DHRSX: variants seen among roughly 807,000 people sequenced by gnomAD.
DHRSX encodes the protein polyprenol dehydrogenase.
DHRSX carries 31 observed loss-of-function variants against 34.0 expected under a neutral mutation model. The observed-to-expected ratio is 0.91, with a 90% CI of 0.69 to 1.23. The LOEUF (loss-of-function observed/expected upper bound fraction) is 1.23, where lower values mean the gene tolerates loss of function less well. Among genes scored for constraint, DHRSX ranks in the 50% most tolerant of loss-of-function variants. The pLI is 0.00. For synonymous variants in DHRSX, 201 were observed against 183.8 expected, an observed-to-expected ratio of 1.09 and a Z score of -0.76; for missense variants, 414 against 428.1, an observed-to-expected ratio of 0.97 and a Z score of 0.29.
intron 1 of DHRSX, among the ~76,000 whole-genome samples, chrX:2,478,391 ACACAT>A (rs1331726123): frequency 3.9e-5 from 6 of 152,146 alleles, no homozygotes; most frequent in African/African-American, 1.4e-4. Flanking sequence ...TGTGGCAGGG[ACACAT>A]TCTGGCCAAT....
rs992142230 is a variant in DHRSX at position 2,220,892 on chromosome X, G to C, written c.*149C>G. The C allele has an allele frequency of 4.7e-6, 3 of 640,836 alleles. No individual in the cohort carries two copies. The highest frequency in any genetic ancestry group is 7.8e-6 in the Non-Finnish European group (3 of 382,662). 39.7% of individuals were successfully genotyped at this position (640,836 alleles called of 1,614,324 possible). A position where few individuals can be genotyped will look rare whatever the true frequency, so the allele number is the denominator to read the frequency against. On this transcript the variant is annotated 3_prime_UTR_variant, in exon 7 of 7. Transcript: ENST00000334651. ...TTATTTGGCTTCTTGAAGTTCTGCA[G>C]AGGTTGAGGCAGCTGTCTCAAAACT...
intron 3 of DHRSX, among the ~76,000 whole-genome samples, chrX:2,338,984 C>G (rs1030925838): frequency 2.0e-5 from 3 of 151,976 alleles, no homozygotes; most frequent in Admixed American, 6.6e-5. Context: ...AGCTGGTACA[C>G]TCATGGAATG....
intron 3 of DHRSX, among the ~76,000 whole-genome samples, chrX:2,302,612 A>AAAATAAATAAATAAATAAATAAAT (rs746166098): frequency 3.3e-5 from 5 of 149,866 alleles, no homozygotes; most frequent in African/African-American, 1.2e-4. Context: ...ACTGTCTCAA[A>AAAATAAATAAATAAATAAATAAAT]AAATAAATAA....
intron 4 of DHRSX, among the ~76,000 whole-genome samples, chrX:2,270,856 C>G (rs755945152): frequency 4.9e-4 from 75 of 152,184 alleles, no homozygotes; most frequent in Non-Finnish European, 1.0e-3. Context: ...TAAAATGGAC[C>G]AATCAGTGCT....
chrX:2,260,907 CTT>C (rs1219536092), intron 5 of DHRSX, among the ~76,000 whole-genome samples: 6 of 152,116 alleles, frequency 3.9e-5, no homozygotes, highest in Non-Finnish European at 5.9e-5. Context: ...GGACATAACT[CTT>C]CAGATAAGAG....
intron 3 of DHRSX, among the ~76,000 whole-genome samples, chrX:2,319,000 T>G (rs1463238085): frequency 1.3e-5 from 2 of 152,072 alleles, no homozygotes; most frequent in African/African-American, 4.8e-5. Flanking sequence ...CCGGGGTTGG[T>G]CAACTGCAGC....
At chrX:2,486,931 A>C (rs2044952678) in intron 1 of DHRSX, 1 of 151,840 alleles carries the variant, frequency 6.6e-6, no homozygotes, top group South Asian at 2.1e-4. Context: ...GCCCTCTGAC[A>C]CCCCGAGTTC....
At chrX:2,339,184 G>A (rs1045128226) in intron 3 of DHRSX, among the ~76,000 whole-genome samples, 7 of 151,910 alleles carry the variant, frequency 4.6e-5, no homozygotes, top group Non-Finnish European at 1.0e-4. Flanking sequence ...CAGCCAGGCT[G>A]GAGCGCAGTG....
At chrX:2,237,232 T>G (rs934188182) in intron 6 of DHRSX, among the ~76,000 whole-genome samples, 7 of 152,082 alleles carry the variant, frequency 4.6e-5, no homozygotes, top group Non-Finnish European at 7.4e-5. Context: ...ATCCTTGATT[T>G]GATTAATTAA....
intron 5 of DHRSX, among the ~76,000 whole-genome samples, chrX:2,243,788 GTTTTTTTTTTTTTT>G (rs778957532): frequency 7.5e-4 from 19 of 25,184 alleles, no homozygotes; most frequent in Admixed American, 3.0e-3. Flanking sequence ...TATGCTCCCT[GTTTTTTTTTTTTTT>G]TTTTTTTTTT....
At chrX:2,363,453 A>C (rs2042960217) in intron 3 of DHRSX, among the ~76,000 whole-genome samples, 1 of 139,018 alleles carries the variant, frequency 7.2e-6, no homozygotes, top group Non-Finnish European at 1.5e-5. Context: ...ACATGCCTCC[A>C]TTTTATCACT....
intron 3 of DHRSX, among the ~76,000 whole-genome samples, chrX:2,377,620 G>C (rs774988087): frequency 6.6e-6 from 1 of 152,150 alleles, no homozygotes; most frequent in African/African-American, 2.4e-5. Flanking sequence ...AGGATTGCTA[G>C]CTAGCGAAGG....
chrX:2,409,022 T>C (rs1243689911), intron 2 of DHRSX, among the ~76,000 whole-genome samples: 1 of 152,208 alleles, frequency 6.6e-6, no homozygotes, highest in Non-Finnish European at 1.5e-5. Flanking sequence ...TTAGCCTGCA[T>C]TGGCAAAAAG....
intron 4 of DHRSX, among the ~76,000 whole-genome samples, chrX:2,269,166 C>G (rs1353680420): frequency 6.6e-6 from 1 of 152,032 alleles, no homozygotes; most frequent in African/African-American, 2.4e-5. Flanking sequence ...GTAGGTCTAG[C>G]ATTTGTCTAC....
chrX:2,486,561 CGT>C (rs1320978402), intron 1 of DHRSX: 1 of 152,186 alleles, frequency 6.6e-6, no homozygotes, highest in African/African-American at 2.4e-5. Context: ...CACATTTCCA[CGT>C]GAGTGAGGAA....
chrX:2,495,072 T>A (rs181021138), intron 1 of DHRSX, among the ~76,000 whole-genome samples: 193 of 151,118 alleles, frequency 1.3e-3, no homozygotes, highest in African/African-American at 4.2e-3. Flanking sequence ...TTGTTATTAT[T>A]TGGCTGAAAG....
At chrX:2,330,822 A>T (rs1033047431) in intron 3 of DHRSX, among the ~76,000 whole-genome samples, 55 of 151,996 alleles carry the variant, frequency 3.6e-4, no homozygotes, top group Non-Finnish European at 4.3e-4. Flanking sequence ...GAATAAATGA[A>T]AGAAGAGAGA....
chrX:2,425,018 T>C (rs1451433804), intron 2 of DHRSX, among the ~76,000 whole-genome samples, 179 bp downstream of exon 2: 1 of 151,804 alleles, frequency 6.6e-6, no homozygotes, highest in African/African-American at 2.4e-5. Flanking sequence ...TGCATGTCTG[T>C]AAACCCAGCT....
At chrX:2,495,249 G>T (rs1011584677) in intron 1 of DHRSX, among the ~76,000 whole-genome samples, 1 of 150,918 alleles carries the variant, frequency 6.6e-6, no homozygotes, top group South Asian at 2.1e-4. Flanking sequence ...GTTCCAGGAC[G>T]TGAAGCAAAG....
Sources: gnomAD v4.1 joint callset for allele counts (sites outside exome capture counted in the v4.1 genomes callset) on GRCh38, gnomAD v4.1.1 for gene constraint, MANE v1.5 for transcripts, NCBI Gene and HGNC (gene_info 2026-07-23, HGNC 2026-07-21) for gene names.